The following RYR2 variants were observed in gnomAD, a reference collection of about 807,000 sequenced individuals.
RYR2 encodes the protein cardiac muscle ryanodine receptor-calcium release channel.
A neutral mutation model predicts 601.1 loss-of-function variants in RYR2; 227 were observed. That is an observed-to-expected ratio of 0.38 (90% confidence interval 0.34 to 0.42). RYR2 has a LOEUF of 0.42. Ranked by LOEUF, RYR2 falls within the 10% of genes least tolerant of loss-of-function variation. The probability of loss-of-function intolerance (pLI) is 1.00; values close to 1 mark genes in which losing one functional copy is unlikely to be tolerated. For synonymous variants in RYR2, 2,223 were observed against 2,175.1 expected (o/e 1.02, Z -0.61); for missense variants, 4,646 against 6,156.5 (o/e 0.75, Z 8.21).
chr1:237,596,882 CAAGAATACTATGTCT>C (rs1044061374), intron 34 of RYR2, among the ~76,000 whole-genome samples: 2 of 151,972 alleles, frequency 1.3e-5, no homozygotes, highest in African/African-American at 4.8e-5. Flanking sequence ...AACTGTCAGC[CAAGAATACTATGTCT>C]AGCAAAGCTA....
chr1:237,285,545 A>G (rs1306708381), intron 2 of RYR2, among the ~76,000 whole-genome samples: 1 of 152,128 alleles, frequency 6.6e-6, no homozygotes, highest in Non-Finnish European at 1.5e-5. Flanking sequence ...TCATAGAATG[A>G]ATTAGGGAGG....
intron 17 of RYR2, among the ~76,000 whole-genome samples, chr1:237,483,330 C>T (rs759384489): frequency 5.3e-5 from 8 of 152,182 alleles, no homozygotes; most frequent in African/African-American, 7.2e-5. Flanking sequence ...CAAATACTTA[C>T]ATCACGTTGC....
At chr1:237,465,182 T>C (rs1659935217) in intron 16 of RYR2, among the ~76,000 whole-genome samples, 1 of 152,122 alleles carries the variant, frequency 6.6e-6, no homozygotes, top group South Asian at 2.1e-4. Context: ...GAAATGTATA[T>C]ATTTTCGTAG....
chr1:237,353,750 TA>T (rs1055206283), intron 3 of RYR2, among the ~76,000 whole-genome samples: 12 of 152,284 alleles, frequency 7.9e-5, no homozygotes, highest in Non-Finnish European at 1.5e-4. Context: ...ATATTTAATG[TA>T]ATTTCCTGCA....
intron 1 of RYR2, among the ~76,000 whole-genome samples, chr1:237,211,668 T>G (rs1682588321): frequency 1.3e-5 from 2 of 152,234 alleles, no homozygotes; most frequent in Admixed American, 6.5e-5. Context: ...ATTTATCCAT[T>G]TGACAGTTCT....
At chr1:237,365,521 A>G (rs1415524778) in intron 5 of RYR2, among the ~76,000 whole-genome samples, 2 of 152,232 alleles carry the variant, frequency 1.3e-5, no homozygotes, top group African/African-American at 4.8e-5. Context: ...ATTTTTCAGT[A>G]GAAAATATTA....
chr1:237,582,037 G>A (rs912479831), intron 29 of RYR2, among the ~76,000 whole-genome samples: 1 of 152,080 alleles, frequency 6.6e-6, no homozygotes, highest in African/African-American at 2.4e-5. Context: ...TCAAAGGCAA[G>A]TGTTTTTCTG....
chr1:237,800,407 A>ACTT (rs1239752243), intron 97 of RYR2, among the ~76,000 whole-genome samples: 1 of 152,100 alleles, frequency 6.6e-6, no homozygotes, highest in Non-Finnish European at 1.5e-5. Flanking sequence ...TTCAAAGATA[A>ACTT]CTTTATTTAA....
intron 84 of RYR2, among the ~76,000 whole-genome samples, chr1:237,770,440 C>T (rs962677720): frequency 3.3e-5 from 5 of 152,048 alleles, no homozygotes; most frequent in African/African-American, 1.2e-4. Flanking sequence ...AAATTTAACA[C>T]GTGTGAGAGA....
chr1:237,592,130 A>G (rs906958016), intron 32 of RYR2, among the ~76,000 whole-genome samples: 9 of 152,178 alleles, frequency 5.9e-5, no homozygotes, highest in African/African-American at 2.2e-4. Context: ...TTGCCCTTGA[A>G]TTTTTCAACT....
intron 1 of RYR2, among the ~76,000 whole-genome samples, chr1:237,220,092 C>A (rs1013059738): frequency 2.0e-5 from 3 of 152,170 alleles, no homozygotes; most frequent in Non-Finnish European, 4.4e-5. Flanking sequence ...ACTGGATTGA[C>A]AGATGCCTGG....
intron 34 of RYR2, among the ~76,000 whole-genome samples, chr1:237,600,305 T>C (rs973236893): frequency 6.6e-6 from 1 of 151,958 alleles, no homozygotes; most frequent in Non-Finnish European, 1.5e-5. Flanking sequence ...CACCTATCCA[T>C]ATCCAACTAA....
intron 2 of RYR2, among the ~76,000 whole-genome samples, chr1:237,306,173 G>A (rs1018541025): frequency 2.6e-5 from 4 of 152,138 alleles, no homozygotes; most frequent in African/African-American, 9.7e-5. Context: ...TAATCATATA[G>A]GTAGCTGATA....
Position 237,819,241 on chromosome 1 carries a change from C to A in RYR2, c.14590+49C>A. On this transcript the variant is annotated intron_variant, in intron 101 of 104. Coordinates refer to ENST00000366574, the MANE Select transcript of RYR2 (RefSeq NM_001035.3). The surrounding 1 kb of genome is among the most constrained non-coding windows in gnomAD (Gnocchi z 4.0). ...TGATGAACATCTAGAATTTGAGCCACATGTTGCTGAAGTTAATATTCAAGG... is the reference window on the plus strand; with the variant it reads ...TGATGAACATCTAGAATTTGAGCCAAATGTTGCTGAAGTTAATATTCAAGG... 1 of 1,545,520 alleles carries A rather than the reference C, an allele frequency of 6.5e-7. No homozygotes were observed. The highest frequency in any genetic ancestry group is 1.1e-5 in the South Asian group (1 of 88,924).
chr1:237,712,194 A>G (rs1021569996), intron 71 of RYR2, among the ~76,000 whole-genome samples: 2 of 152,062 alleles, frequency 1.3e-5, no homozygotes, highest in Non-Finnish European at 2.9e-5. Flanking sequence ...CGTGGTCTCC[A>G]CTGGAAGGAA....
In RYR2 at chr1:237,780,444, T is replaced by C. The variant is rs142886594; in HGVS notation, c.11881-1121T>C. On this transcript the variant is annotated intron_variant, in intron 88 of 104. Coordinates refer to ENST00000366574, the MANE Select transcript of RYR2 (RefSeq NM_001035.3). ...TTTATAAAGTTTCCATAACAGCTAT[T>C]TAGAAAGAAAACGTCTCATCTTCCC... 5.7e-3 allele frequency among the ~76,000 whole-genome samples: 875 copies of C among 152,278 alleles called. 1 individual carries two copies. Among genetic ancestry groups the C allele is most frequent in the African/African-American group, 0.02 (839 of 41,544 alleles).
Position 237,631,365 on chromosome 1 carries a change from A to G in RYR2, c.6441-62A>G, listed in dbSNP as rs1167259659. 7.2e-6 allele frequency: 7 copies of G among 970,746 alleles called. No individual in the cohort carries two copies. In the Admixed American group the frequency reaches 8.7e-5, roughly 12 times the overall value. 60.1% of individuals were successfully genotyped at this position (970,746 alleles called of 1,614,324 possible). ...ATTATTTCTAAAAGATTTATGAGGAACTTGGTTAACTATTTAGATGTTGCT... is the reference window on the plus strand; with the variant it reads ...ATTATTTCTAAAAGATTTATGAGGAGCTTGGTTAACTATTTAGATGTTGCT... On this transcript the variant is annotated intron_variant, in intron 41 of 104. Transcript: ENST00000366574.
At chr1:237,267,033 A>G (rs1363175765) in intron 1 of RYR2, among the ~76,000 whole-genome samples, 1 of 152,224 alleles carries the variant, frequency 6.6e-6, no homozygotes, top group Admixed American at 6.5e-5. Context: ...CATACATTGG[A>G]TAGGATAGCT....
In RYR2 at chr1:237,610,657, T is replaced by G; in HGVS notation, c.4684-105T>G. The G allele has an allele frequency of 1.1e-6, 1 of 919,572 alleles. No homozygotes were observed. The highest frequency in any genetic ancestry group is 1.7e-5 in the South Asian group (1 of 57,768). 57.0% of individuals were successfully genotyped at this position (919,572 alleles called of 1,614,324 possible). A position where few individuals can be genotyped will look rare whatever the true frequency, so the allele number is the denominator to read the frequency against. ...GTTGACTTTGCTTGACTCATAGGGT[T>G]ATCTTACTTTCCCTGTCTCTGTCCT... On this transcript the variant is annotated intron_variant, in intron 35 of 104. Transcript: ENST00000366574. The surrounding 1 kb of genome is among the most constrained non-coding windows in gnomAD (Gnocchi z 4.9).
Sources: gnomAD v4.1 joint callset for allele counts (sites outside exome capture counted in the v4.1 genomes callset) on GRCh38, gnomAD v4.1.1 for gene constraint, Gnocchi (gnomAD v3.1) non-coding constraint, MANE v1.5 for transcripts, NCBI Gene and HGNC (gene_info 2026-07-23, HGNC 2026-07-21) for gene names.